Variants in PDE4D observed in about 807,000 individuals in gnomAD.
The protein encoded by PDE4D is phosphodiesterase 4D, also known as 3',5'-cyclic-AMP phosphodiesterase 4D.
PDE4D carries 24 observed loss-of-function variants against 87.4 expected under a neutral mutation model. The ratio of observed to expected loss-of-function variants is 0.27; its 90% CI spans 0.20 to 0.39. PDE4D has a LOEUF of 0.39. Ranked by LOEUF, PDE4D falls within the 10% of genes least tolerant of loss-of-function variation. The probability of loss-of-function intolerance (pLI) is 1.00; values close to 1 mark genes in which losing one functional copy is unlikely to be tolerated. For missense variants in PDE4D, 714 were observed against 1,041.0 expected, an observed-to-expected ratio of 0.69 and a Z score of 4.32; for synonymous variants, 384 against 383.2, an observed-to-expected ratio of 1.00 and a Z score of -0.02.
chr5:60,390,974 C>T (rs1316424829), intron 1 of PDE4D, among the ~76,000 whole-genome samples: 1 of 152,144 alleles, frequency 6.6e-6, no homozygotes, highest in Non-Finnish European at 1.5e-5. Flanking sequence ...TAAACATGCA[C>T]ACATATACAC....
At chr5:59,005,783 C>A (rs1751484452) in intron 6 of PDE4D, among the ~76,000 whole-genome samples, 4 of 152,162 alleles carry the variant, frequency 2.6e-5, no homozygotes, top group Admixed American at 2.6e-4. Context: ...CAATAACTTG[C>A]TCCATAGGTG....
chr5:60,223,449 G>A (rs1033359165), intron 1 of PDE4D, among the ~76,000 whole-genome samples: 4 of 152,066 alleles, frequency 2.6e-5, no homozygotes, highest in African/African-American at 4.8e-5. Flanking sequence ...AGAATTCTAA[G>A]CACCAAAGAG....
intron 1 of PDE4D, among the ~76,000 whole-genome samples, chr5:59,731,854 C>A (rs1019634211): frequency 1.3e-5 from 2 of 152,136 alleles, no homozygotes; most frequent in African/African-American, 4.8e-5. Context: ...TCTAAGTCAG[C>A]TCTTGCTTCC....
At chr5:60,218,444 T>C (rs1347438827) in intron 1 of PDE4D, among the ~76,000 whole-genome samples, 1 of 152,008 alleles carries the variant, frequency 6.6e-6, no homozygotes, top group African/African-American at 2.4e-5. Context: ...TACACATATG[T>C]AAAAATTCAT....
intron 5 of PDE4D, among the ~76,000 whole-genome samples, chr5:59,044,068 C>T (rs952174380): frequency 6.6e-6 from 1 of 152,146 alleles, no homozygotes; most frequent in African/African-American, 2.4e-5. Flanking sequence ...TGGGTATATA[C>T]CCAGTAATGG....
intron 1 of PDE4D, among the ~76,000 whole-genome samples, chr5:59,721,268 T>TC (rs1755789115): frequency 1.3e-5 from 2 of 152,188 alleles, no homozygotes; most frequent in Admixed American, 1.3e-4. Flanking sequence ...TTATTATTTC[T>TC]CTTCTATTGT....
At chr5:59,512,204 T>C (rs979239779) in intron 1 of PDE4D, among the ~76,000 whole-genome samples, 1 of 152,190 alleles carries the variant, frequency 6.6e-6, no homozygotes, top group Non-Finnish European at 1.5e-5. Flanking sequence ...TTAGAGATTC[T>C]AAAAATATTC....
intron 5 of PDE4D, among the ~76,000 whole-genome samples, chr5:59,123,281 C>T (rs922350009): frequency 6.6e-6 from 1 of 152,164 alleles, no homozygotes; most frequent in Non-Finnish European, 1.5e-5. Context: ...CAGCCATGAG[C>T]AATAGTGTAT....
At chr5:60,482,067 T>C (rs989964414) in intron 1 of PDE4D, among the ~76,000 whole-genome samples, 3 of 152,198 alleles carry the variant, frequency 2.0e-5, no homozygotes, top group African/African-American at 7.2e-5. Flanking sequence ...AAAATTCATA[T>C]GCTGAGATCT....
At chr5:59,511,250 G>C (rs188502921) in intron 1 of PDE4D, among the ~76,000 whole-genome samples, 1 of 151,746 alleles carries the variant, frequency 6.6e-6, no homozygotes, top group Admixed American at 6.6e-5. Flanking sequence ...AAAAAGTTTC[G>C]ATTAAGTCAG....
At chr5:60,326,037 T>C (rs1263739844) in intron 1 of PDE4D, among the ~76,000 whole-genome samples, 2 of 152,134 alleles carry the variant, frequency 1.3e-5, no homozygotes. Context: ...GTGGTGTAGA[T>C]GTACCACAGT....
intron 1 of PDE4D, among the ~76,000 whole-genome samples, chr5:60,444,960 G>T (rs1663415380): frequency 6.6e-6 from 1 of 151,088 alleles, no homozygotes; most frequent in Non-Finnish European, 1.5e-5. Context: ...ACACTCTGAA[G>T]TTCAGAAATT....
intron 6 of PDE4D, among the ~76,000 whole-genome samples, chr5:59,002,495 A>C (rs896709528): frequency 1.1e-4 from 16 of 152,210 alleles, no homozygotes; most frequent in African/African-American, 3.9e-4. Flanking sequence ...TTGAAAAAAA[A>C]AAAGGTCTGA....
At chr5:59,373,584 A>C (rs1784278765) in intron 1 of PDE4D, among the ~76,000 whole-genome samples, 1 of 152,158 alleles carries the variant, frequency 6.6e-6, no homozygotes, top group Non-Finnish European at 1.5e-5. Flanking sequence ...ACATGAGGAG[A>C]ATGAAGCCAA....
Position 59,929,338 on chromosome 5 carries a change from T to C in PDE4D, c.272+59150A>G, listed in dbSNP as rs2962201. On this transcript the variant is annotated intron_variant, in intron 3 of 16. Transcript: ENST00000502484. Reference sequence around the variant, plus strand: ...TCTGAGGAACCCAATCTACACCCTTTTCAATTTTAAAAAATACTCACTTAT... The same window carrying C: ...TCTGAGGAACCCAATCTACACCCTTCTCAATTTTAAAAAATACTCACTTAT... Among the ~76,000 whole-genome samples, 676 of 152,310 alleles carry C rather than the reference T, an allele frequency of 4.4e-3. 19 individuals carry two copies. The East Asian group carries it at 0.086, about 19-fold the overall frequency.
chr5:59,858,477 C>G (rs1745790137), intron 1 of PDE4D, among the ~76,000 whole-genome samples: 1 of 152,042 alleles, frequency 6.6e-6, no homozygotes, highest in African/African-American at 2.4e-5. Context: ...ACTGTCATGA[C>G]AGAGACTTGA....
chr5:59,439,603 C>T (rs1430219191), intron 1 of PDE4D, among the ~76,000 whole-genome samples: 1 of 152,098 alleles, frequency 6.6e-6, no homozygotes, highest in Non-Finnish European at 1.5e-5. Context: ...CTTTATGGAG[C>T]TGACATTCCA....
At chr5:59,693,375 T>C (rs1751275875) in intron 1 of PDE4D, among the ~76,000 whole-genome samples, 2 of 152,116 alleles carry the variant, frequency 1.3e-5, no homozygotes, top group South Asian at 4.1e-4. Context: ...CCACTGCTTT[T>C]CTCAGTATTA....
intron 1 of PDE4D, among the ~76,000 whole-genome samples, chr5:60,379,534 G>A (rs1761700678): frequency 6.6e-6 from 1 of 152,300 alleles, no homozygotes; most frequent in Middle Eastern, 3.4e-3. Context: ...TCTAAAGGAT[G>A]CAGAGGAGCT....
Sources: allele counts gnomAD v4.1 joint callset (sites outside exome capture counted in the v4.1 genomes callset), GRCh38; gene constraint gnomAD v4.1.1; transcripts MANE v1.5; gene names NCBI Gene and HGNC (gene_info 2026-07-23, HGNC 2026-07-21).